The following NLGN1 variants were observed in gnomAD, a reference collection of about 807,000 sequenced individuals.
NLGN1 encodes neuroligin 1, also known as neuroligin-1.
NLGN1 carries 12 observed loss-of-function variants against 65.5 expected under a neutral mutation model. The ratio of observed to expected loss-of-function variants is 0.18; its 90% CI spans 0.12 to 0.30. The LOEUF (loss-of-function observed/expected upper bound fraction) is 0.30, where lower values mean the gene tolerates loss of function less well. NLGN1 is among the 10% of genes least tolerant of loss of function. The pLI is 1.00. For missense variants in NLGN1, 750 were observed against 1,007.1 expected, an observed-to-expected ratio of 0.74 and a Z score of 3.46; for synonymous variants, 350 against 359.5, an observed-to-expected ratio of 0.97 and a Z score of 0.30.
At chr3:173,937,936 C>T (rs1479755458) in intron 4 of NLGN1, among the ~76,000 whole-genome samples, 2 of 152,034 alleles carry the variant, frequency 1.3e-5, no homozygotes, top group Non-Finnish European at 2.9e-5. Context: ...AAATGTGACC[C>T]AATAATGTAG....
At chr3:173,901,376 T>TG (rs1560590871) in intron 4 of NLGN1, among the ~76,000 whole-genome samples, 1 of 141,906 alleles carries the variant, frequency 7.0e-6, no homozygotes, top group Non-Finnish European at 1.5e-5. Context: ...GGGGGGTGTG[T>TG]GTGTGTGTGT....
intron 2 of NLGN1, among the ~76,000 whole-genome samples, chr3:173,440,871 A>G (rs1719053528): frequency 6.6e-6 from 1 of 152,184 alleles, no homozygotes; most frequent in Non-Finnish European, 1.5e-5. Context: ...CCTGCAAGCC[A>G]GACATTGACT....
At chr3:173,658,068 T>C (rs1258075342) in intron 3 of NLGN1, among the ~76,000 whole-genome samples, 1 of 151,974 alleles carries the variant, frequency 6.6e-6, no homozygotes, top group African/African-American at 2.4e-5. Context: ...AAAAATGGTG[T>C]AACTTTCGTA....
chr3:173,916,626 A>G (rs753845664), intron 4 of NLGN1, among the ~76,000 whole-genome samples: 15 of 152,286 alleles, frequency 9.8e-5, no homozygotes, highest in Admixed American at 5.9e-4. Flanking sequence ...TTTATTTATT[A>G]TAATACCTAA....
At chr3:173,857,683 T>C (rs972178454) in intron 4 of NLGN1, among the ~76,000 whole-genome samples, 3 of 152,020 alleles carry the variant, frequency 2.0e-5, no homozygotes, top group African/African-American at 4.8e-5. Context: ...TTGGGCTACA[T>C]TGAGCATCTT....
intron 2 of NLGN1, among the ~76,000 whole-genome samples, chr3:173,594,305 TG>T (rs1261816165): frequency 6.6e-6 from 1 of 152,158 alleles, no homozygotes; most frequent in African/African-American, 2.4e-5. Context: ...CCATTCCAAA[TG>T]GGAGAAATTG....
At chr3:173,668,325 C>T (rs1485739470) in intron 3 of NLGN1, among the ~76,000 whole-genome samples, 1 of 152,122 alleles carries the variant, frequency 6.6e-6, no homozygotes, top group East Asian at 1.9e-4. Flanking sequence ...AAGTAATGAG[C>T]AGAAAAATAC....
chr3:173,573,600 T>C (rs1284408076), intron 2 of NLGN1, among the ~76,000 whole-genome samples: 2 of 150,110 alleles, frequency 1.3e-5, no homozygotes, highest in African/African-American at 2.4e-5. Flanking sequence ...GAGAGGAAAA[T>C]GGATAATGAG....
intron 3 of NLGN1, among the ~76,000 whole-genome samples, chr3:173,744,836 T>TA (rs1304770076): frequency 2.6e-5 from 4 of 151,882 alleles, no homozygotes; most frequent in African/African-American, 9.7e-5. Flanking sequence ...ATTTATTTTT[T>TA]TTTTGACATC....
chr3:173,676,187 G>A (rs1213252481), intron 3 of NLGN1, among the ~76,000 whole-genome samples: 1 of 152,072 alleles, frequency 6.6e-6, no homozygotes, highest in Non-Finnish European at 1.5e-5. Flanking sequence ...ATGCTTCATT[G>A]AGCTTTGAGG....
chr3:173,479,203 T>G (rs1219610493), intron 2 of NLGN1, among the ~76,000 whole-genome samples: 2 of 152,084 alleles, frequency 1.3e-5, no homozygotes, highest in Non-Finnish European at 2.9e-5. Context: ...TGGAATGGCT[T>G]GGTTCCTGAG....
At chr3:173,450,678 C>T (rs1225098936) in intron 2 of NLGN1, among the ~76,000 whole-genome samples, 1 of 152,202 alleles carries the variant, frequency 6.6e-6, no homozygotes, top group Non-Finnish European at 1.5e-5. Flanking sequence ...GTTCCATTCT[C>T]CCCGTCACTT....
At chr3:173,700,585 A>T (rs1766981275) in intron 3 of NLGN1, among the ~76,000 whole-genome samples, 1 of 152,212 alleles carries the variant, frequency 6.6e-6, no homozygotes, top group Non-Finnish European at 1.5e-5. Context: ...ATCTACACAT[A>T]ATTAAATGCC....
chr3:174,014,167 C>A (rs992047643), intron 4 of NLGN1, among the ~76,000 whole-genome samples: 1 of 152,102 alleles, frequency 6.6e-6, no homozygotes, highest in African/African-American at 2.4e-5. Context: ...GAAAATAACC[C>A]AAGCCCCAAG....
At chr3:174,239,419 C>T (rs1431065960) in intron 4 of NLGN1, among the ~76,000 whole-genome samples, 1 of 152,136 alleles carries the variant, frequency 6.6e-6, no homozygotes. Flanking sequence ...CACGCTTGTA[C>T]TGTATTTCTC....
chr3:174,105,043 C>T (rs980486519), intron 4 of NLGN1, among the ~76,000 whole-genome samples: 1 of 151,874 alleles, frequency 6.6e-6, no homozygotes, highest in Non-Finnish European at 1.5e-5. Context: ...AAGAATGAGT[C>T]GTCACAGAGT....
downstream of NLGN1, among the ~76,000 whole-genome samples, chr3:174,290,728 T>C (rs926627492): frequency 2.0e-5 from 3 of 151,034 alleles, no homozygotes; most frequent in African/African-American, 7.3e-5. Context: ...AAGGACAAAT[T>C]CACAAGGAAA....
chr3:173,736,621 G>T (rs1452965982), intron 3 of NLGN1, among the ~76,000 whole-genome samples: 1 of 151,740 alleles, frequency 6.6e-6, no homozygotes, highest in Non-Finnish European at 1.5e-5. Context: ...GGCTTGGAGA[G>T]GGTTGCAGTA....
At chr3:174,126,237 A>C (rs1288855431) in intron 4 of NLGN1, among the ~76,000 whole-genome samples, 1 of 152,084 alleles carries the variant, frequency 6.6e-6, no homozygotes, top group Non-Finnish European at 1.5e-5. Flanking sequence ...CCACAGAACT[A>C]GTTTCTGTTT....
Sources: gnomAD v4.1 joint callset for allele counts (sites outside exome capture counted in the v4.1 genomes callset) on GRCh38, gnomAD v4.1.1 for gene constraint, MANE v1.5 for transcripts, NCBI Gene and HGNC (gene_info 2026-07-23, HGNC 2026-07-21) for gene names.